BPTF: variants seen among roughly 807,000 people sequenced by gnomAD.
BPTF encodes nucleosome-remodeling factor subunit BPTF.
A neutral mutation model predicts 292.5 loss-of-function variants in BPTF; 18 were observed. The ratio of observed to expected loss-of-function variants is 0.06; its 90% CI spans 0.04 to 0.09. The LOEUF (loss-of-function observed/expected upper bound fraction) is 0.09. Among genes scored for constraint, BPTF ranks in the 10% least tolerant of loss-of-function variants. The pLI is 1.00. For missense variants in BPTF, 2,726 were observed against 3,498.7 expected, an observed-to-expected ratio of 0.78 and a Z score of 5.57; for synonymous variants, 1,225 against 1,251.9, an observed-to-expected ratio of 0.98 and a Z score of 0.45.
intron 9 of BPTF, among the ~76,000 whole-genome samples, chr17:67,906,908 T>G (rs982751481): frequency 7.9e-5 from 12 of 152,086 alleles, no homozygotes; most frequent in Non-Finnish European, 1.6e-4. Flanking sequence ...AAAATGCCTT[T>G]AAGTCCAGGT....
chr17:67,937,974 C>T (rs972700246), intron 18 of BPTF, among the ~76,000 whole-genome samples: 1 of 151,938 alleles, frequency 6.6e-6, no homozygotes, highest in East Asian at 1.9e-4. Flanking sequence ...AATAGCCGGG[C>T]ATGGTGGCGC....
At chr17:67,869,392 T>G (rs2059576303) in intron 3 of BPTF, among the ~76,000 whole-genome samples, 1 of 152,100 alleles carries the variant, frequency 6.6e-6, no homozygotes, top group South Asian at 2.1e-4. Flanking sequence ...GTGTTGTGAT[T>G]TGGGGGAATG....
chr17:67,884,690 A>G (rs1354272187), intron 4 of BPTF, among the ~76,000 whole-genome samples: 2 of 152,184 alleles, frequency 1.3e-5, no homozygotes, highest in Non-Finnish European at 2.9e-5. Context: ...TGCTGGGATT[A>G]CAGGTGTGAG....
At chr17:67,950,899 C>G (rs1225998420) in intron 23 of BPTF, 1 of 151,972 alleles carries the variant, frequency 6.6e-6, no homozygotes, top group Non-Finnish European at 1.5e-5. Flanking sequence ...AACCTGCCTC[C>G]CAGGTTTAAG....
In BPTF at chr17:67,945,513, C is replaced by A. The variant is rs1443455285; in HGVS notation, c.6805C>A (p.Gln2269Lys). Reference sequence around the variant, plus strand: ...ATCAAGTGTGGGTCCAGCAGAAGCCCAGCCACAGACTGCTCAGCCTTCAGC... The same window carrying A: ...ATCAAGTGTGGGTCCAGCAGAAGCCAAGCCACAGACTGCTCAGCCTTCAGC... The part of the protein sequence containing the change: ...QSSSVGPAEA[Q>K]PQTAQPSAQP... The change falls in exon 21 of 28, where the codon CAG becomes AAG. Residue 2269 changes from glutamine (Q) to lysine (K), a missense_variant. Physicochemically the swap from Gln to Lys is moderately conservative, Grantham distance 53. Transcript: ENST00000306378. 1 of 1,613,962 alleles carries A rather than the reference C, an allele frequency of 6.2e-7. No homozygotes were observed. The highest frequency in any genetic ancestry group is 1.3e-5 in the African/African-American group (1 of 74,904).
In BPTF at chr17:67,946,342, A is replaced by C. The variant is rs2065810484; in HGVS notation, c.7617+17A>C. ...CAGAAACAGGTAAAGTTATTAAGTA[A>C]AAGCAGCATGTTCAGTAGCTTGAAT... On this transcript the variant is annotated intron_variant, in intron 21 of 27. Coordinates refer to ENST00000306378, the MANE Select transcript of BPTF (RefSeq NM_182641.4). 6.2e-7 allele frequency: 1 copy of C among 1,610,460 alleles called. No individual in the cohort carries two copies.
chr17:67,929,484 A>G lies in BPTF; in HGVS notation c.6147A>G (p.Ser2049=). 2 of 1,613,938 alleles carry G rather than the reference A, an allele frequency of 1.2e-6. No homozygotes were observed. The highest frequency in any genetic ancestry group is 1.7e-6 in the Non-Finnish European group (2 of 1,179,920). The change falls in exon 17 of 28, where the codon TCA becomes TCG. Residue 2049 remains serine (S), a synonymous_variant. Transcript: ENST00000306378. ...GCTCTGGAGGAACCACAAGCAATTC[A>G]CAAGTAAGAATTCTTACAGACTTAT... ...TSGSGGTTSN[S]QVITGPQIRP...
At chr17:67,929,600 CTG>C (rs1394221084) in intron 17 of BPTF, 113 bp downstream of exon 17, 5 of 1,275,068 alleles carry the variant, frequency 3.9e-6, no homozygotes, top group Non-Finnish European at 5.4e-6. Flanking sequence ...ATTACTGAAT[CTG>C]TGACAGAGTA....
rs764701129 is a variant in BPTF at position 67,928,559 on chromosome 17, C to G, written c.5956C>G (p.Gln1986Glu). 1 of 1,614,166 alleles carries G rather than the reference C, an allele frequency of 6.2e-7. No individual in the cohort carries two copies. The highest frequency in any genetic ancestry group is 1.1e-5 in the South Asian group (1 of 91,074). ...ATTCCAACAAAACAAGAACTTTCATCAAACCTTTGCTACATGGGTTAAGCA... is the reference window on the plus strand; with the variant it reads ...ATTCCAACAAAACAAGAACTTTCATGAAACCTTTGCTACATGGGTTAAGCA... ...VTFQQNKNFH[Q>E]TFATWVKQGQ... The change falls in exon 16 of 28, where the codon CAA becomes GAA. Residue 1986 changes from glutamine (Q) to glutamate (E), a missense_variant. Coordinates refer to ENST00000306378, the MANE Select transcript of BPTF (RefSeq NM_182641.4).
chr17:67,953,299 C>T (rs557407801), intron 23 of BPTF, among the ~76,000 whole-genome samples: 1 of 149,640 alleles, frequency 6.7e-6, no homozygotes. Flanking sequence ...CTCTGTCACC[C>T]AGGCTGGACT....
At chr17:67,881,495 T>A (rs7217725) in intron 4 of BPTF, among the ~76,000 whole-genome samples, 5 of 8,564 alleles carry the variant, frequency 5.8e-4, no homozygotes, top group Non-Finnish European at 1.9e-3. Context: ...ATCAAGGTTT[T>A]TTTTTTTTTT....
rs1555676552 is a variant in BPTF, at chr17:67,948,213, G to A, written c.7833G>A (p.Leu2611=). 6 of 1,614,056 alleles carry A rather than the reference G, an allele frequency of 3.7e-6. No individual in the cohort carries two copies. The highest frequency in any genetic ancestry group is 5.1e-6 in the Non-Finnish European group (6 of 1,180,040). ...GTAGCAAGCAGAATGCCACTAAGCT[G>A]TCAGCTCTGCTCTTCAAGCACAAAG... The part of the protein sequence containing the change: ...QKRSKQNATK[L]SALLFKHKEQ... Residue 2611 remains leucine, a synonymous_variant, in exon 23 of 28, where the codon CTG becomes CTA. Coordinates refer to ENST00000306378, the MANE Select transcript of BPTF (RefSeq NM_182641.4).
chr17:67,866,446 C>T lies in BPTF; in HGVS notation c.1437-18C>T, dbSNP rs773083223. The T allele has an allele frequency of 1.1e-5, 17 of 1,533,708 alleles. No homozygotes were observed. The highest frequency in any genetic ancestry group is 1.4e-5 in the African/African-American group (1 of 73,006). On this transcript the variant is annotated intron_variant, in intron 2 of 27. Coordinates refer to ENST00000306378, the MANE Select transcript of BPTF (RefSeq NM_182641.4). ...ATTATGTCTAACATATAAAGTATTT[C>T]CCCCCATTTTTAAACAGAGAAGAAG...
rs535803256 is a variant in BPTF, at chr17:67,983,948, T to C, written c.*1660T>C. ...TTTTATCTAATGAAGCCCATTCCTT[T>C]TTGTACATAAAGATGTCACTTAAAC... On this transcript the variant is annotated 3_prime_UTR_variant, in exon 28 of 28. Coordinates refer to ENST00000306378, the MANE Select transcript of BPTF (RefSeq NM_182641.4). 1 of 152,700 alleles carries C rather than the reference T, an allele frequency of 6.5e-6. No individual in the cohort carries two copies. Among genetic ancestry groups the C allele is most frequent in the Admixed American group, 6.5e-5 (1 of 15,296 alleles). 9.5% of individuals were successfully genotyped at this position (152,700 alleles called of 1,614,324 possible).
intron 14 of BPTF, 90 bp from the exon 15 acceptor site, chr17:67,924,456 AT>A (rs1332066102): frequency 1.6e-6 from 2 of 1,270,074 alleles, no homozygotes; most frequent in Admixed American, 2.1e-5. Context: ...ATACCTTTGT[AT>A]GATGTGAAAA....
At position 67,947,841 on chromosome 17, in the gene BPTF, G is replaced by T. The variant is rs782710342; in HGVS notation, c.7700+33G>T. 6.5e-6 allele frequency: 10 copies of T among 1,532,846 alleles called. No homozygotes were observed. The African/African-American group carries it at 1.2e-4, about 19-fold the overall frequency. The allele number at this position is 1,532,846 out of a possible 1,614,324, so 95.0% of individuals were successfully genotyped here. On this transcript the variant is annotated intron_variant, in intron 22 of 27. Transcript: ENST00000306378. ...AGACGCAGGGTCTTGTTGTCTGTCCGTCTCTTCTCTTTATCGTGCACACGC... is the reference window on the plus strand; with the variant it reads ...AGACGCAGGGTCTTGTTGTCTGTCCTTCTCTTCTCTTTATCGTGCACACGC...
At chr17:67,895,462 A>AT (rs1228953258) in intron 7 of BPTF, among the ~76,000 whole-genome samples, 3,919 of 130,984 alleles carry the variant, frequency 0.03, 134 homozygotes, top group African/African-American at 0.08. Context: ...CACCACATAC[A>AT]TTTTTTTTTT....
chr17:67,953,024 G>A (rs1555679159), intron 23 of BPTF, among the ~76,000 whole-genome samples: 1 of 151,956 alleles, frequency 6.6e-6, no homozygotes. Flanking sequence ...GCAGTGGCAC[G>A]ATCTCGGCTC....
chr17:67,932,056 A>C (rs201246658), intron 18 of BPTF, 37 bp downstream of exon 18: 236 of 1,524,672 alleles, frequency 1.5e-4, no homozygotes, highest in Middle Eastern at 1.7e-4. Context: ...TTACATCTCA[A>C]CAGCCAGTCT....
Sources: allele counts gnomAD v4.1 joint callset (sites outside exome capture counted in the v4.1 genomes callset), GRCh38; gene constraint gnomAD v4.1.1; transcripts MANE v1.5; gene names NCBI Gene and HGNC (gene_info 2026-07-23, HGNC 2026-07-21).